Variants in RNF38 observed in about 807,000 individuals in gnomAD.
The protein encoded by RNF38 is ring finger protein 38.
A neutral mutation model predicts 67.2 loss-of-function variants in RNF38; 15 were observed. That is an observed-to-expected ratio of 0.22 (90% CI 0.15 to 0.34). The LOEUF (loss-of-function observed/expected upper bound fraction) is 0.34. Ranked by LOEUF, RNF38 falls within the 10% of genes least tolerant of loss-of-function variation. The pLI is 1.00. For synonymous variants in RNF38, 220 were observed against 218.8 expected, an observed-to-expected ratio of 1.01 and a Z score of -0.05; for missense variants, 524 against 639.9, an observed-to-expected ratio of 0.82 and a Z score of 1.95.
intron 1 of RNF38, among the ~76,000 whole-genome samples, chr9:36,430,299 C>T (rs1345319073): frequency 4.6e-5 from 7 of 152,082 alleles, no homozygotes; most frequent in African/African-American, 9.7e-5. Flanking sequence ...CTCCTCCTCC[C>T]GGGTTCAAGC....
At chr9:36,385,751 G>A (rs570471169) in intron 2 of RNF38, among the ~76,000 whole-genome samples, 15 of 152,302 alleles carry the variant, frequency 9.8e-5, no homozygotes, top group African/African-American at 3.1e-4. Flanking sequence ...GAGGTGCACC[G>A]AAAACTACAA....
Position 36,365,815 on chromosome 9 carries a change from G to A in RNF38, c.570+3904C>T, listed in dbSNP as rs372837609. On this transcript the variant is annotated intron_variant, in intron 4 of 11. Coordinates refer to ENST00000259605, the MANE Select transcript of RNF38 (RefSeq NM_022781.5). ...CGAACAGCTGGGACTACAGGTGCGC[G>A]CCACCATGCCCAGCTAATTTTTGTA... Among the ~76,000 whole-genome samples, 102 of 151,684 alleles carry A rather than the reference G, an allele frequency of 6.7e-4. No individual in the cohort carries two copies. In the South Asian group the frequency reaches 0.019, roughly 28 times the overall value.
intron 1 of RNF38, among the ~76,000 whole-genome samples, chr9:36,486,705 C>T (rs1275616876): frequency 6.6e-6 from 1 of 152,162 alleles, no homozygotes; most frequent in East Asian, 1.9e-4. Context: ...GCCCTCTCCC[C>T]GAGAGCACAC....
At chr9:36,389,052 G>C (rs1836867060) in intron 2 of RNF38, among the ~76,000 whole-genome samples, 1 of 152,086 alleles carries the variant, frequency 6.6e-6, no homozygotes, top group Non-Finnish European at 1.5e-5. Flanking sequence ...TGGTAGGGCA[G>C]TTTCTGGGCA....
At chr9:36,365,766 A>C (rs1438760336) in intron 4 of RNF38, among the ~76,000 whole-genome samples, 1 of 145,664 alleles carries the variant, frequency 6.9e-6, no homozygotes, top group Non-Finnish European at 1.5e-5. Context: ...CCCGGGTTCA[A>C]GCAATTCTCC....
At chr9:36,384,184 C>T (rs1407726683) in intron 2 of RNF38, among the ~76,000 whole-genome samples, 3 of 151,938 alleles carry the variant, frequency 2.0e-5, no homozygotes, top group Non-Finnish European at 4.4e-5. Context: ...GTATCTGTAA[C>T]TATAATAATT....
At chr9:36,411,415 G>A (rs1301709338) in intron 2 of RNF38, among the ~76,000 whole-genome samples, 2 of 152,062 alleles carry the variant, frequency 1.3e-5, no homozygotes, top group Non-Finnish European at 2.9e-5. Context: ...TTCCACTTCT[G>A]GGTATATACC....
intron 1 of RNF38, among the ~76,000 whole-genome samples, chr9:36,396,147 G>T (rs1291258358): frequency 6.6e-6 from 1 of 152,168 alleles, no homozygotes; most frequent in African/African-American, 2.4e-5. Flanking sequence ...CACATAGCAG[G>T]CATTCAACTA....
intron 1 of RNF38, among the ~76,000 whole-genome samples, chr9:36,463,907 C>A (rs1332821573): frequency 1.3e-5 from 2 of 152,184 alleles, no homozygotes. Context: ...GTGGCTCACG[C>A]CTGTAATCCC....
chr9:36,377,249 C>T (rs1391437728), intron 2 of RNF38, among the ~76,000 whole-genome samples: 3 of 152,204 alleles, frequency 2.0e-5, no homozygotes, highest in East Asian at 1.9e-4. Flanking sequence ...CAATCTATTA[C>T]TGCAAGTTCT....
intron 6 of RNF38, among the ~76,000 whole-genome samples, chr9:36,354,419 T>A (rs1459784657): frequency 1.3e-5 from 2 of 152,200 alleles, no homozygotes; most frequent in East Asian, 3.8e-4. Context: ...GCCAGGATGG[T>A]CTCGATCTCC....
Position 36,339,280 on chromosome 9 carries a change from G to T in RNF38, c.*472C>A, listed in dbSNP as rs1023859099. The T allele has an allele frequency of 1.2e-5, 2 of 160,754 alleles. No individual in the cohort carries two copies. Among genetic ancestry groups the T allele is most frequent in the Admixed American group, 5.9e-5 (1 of 16,924 alleles). The allele number at this position is 160,754 out of a possible 1,614,324, so 10.0% of individuals were successfully genotyped here. A position where few individuals can be genotyped will look rare whatever the true frequency, so the allele number is the denominator to read the frequency against. Reference sequence around the variant, plus strand: ...ATCTCATACACACGTTAGCTACCATGCCCTCACACAAGTAGTTGCACACAC... The same window carrying T: ...ATCTCATACACACGTTAGCTACCATTCCCTCACACAAGTAGTTGCACACAC... On this transcript the variant is annotated 3_prime_UTR_variant, in exon 12 of 12. Coordinates refer to ENST00000259605, the MANE Select transcript of RNF38 (RefSeq NM_022781.5).
chr9:36,370,057 A>C, intron 3 of RNF38, 125 bp from the exon 4 acceptor site: 1 of 752,904 alleles, frequency 1.3e-6, no homozygotes, highest in Non-Finnish European at 2.1e-6. Flanking sequence ...ATAACTGCTA[A>C]AATTCCCCAT....
rs767263796 is a variant in RNF38 at position 36,389,429 on chromosome 9, T to C, written c.162+1038A>G. ...TTCCACAAATACATAGTAGACAAGATACAGCTAAAGTTAGATTGGAGCCCC... is the reference window on the plus strand; with the variant it reads ...TTCCACAAATACATAGTAGACAAGACACAGCTAAAGTTAGATTGGAGCCCC... On this transcript the variant is annotated intron_variant, in intron 2 of 11. Coordinates refer to ENST00000259605, the MANE Select transcript of RNF38 (RefSeq NM_022781.5). 4.6e-5 allele frequency among the ~76,000 whole-genome samples: 7 copies of C among 151,990 alleles called. No individual in the cohort carries two copies. In the East Asian group the frequency reaches 1.2e-3, roughly 25 times the overall value.
intron 8 of RNF38, among the ~76,000 whole-genome samples, chr9:36,352,483 G>A (rs1202935754): frequency 6.6e-6 from 1 of 152,102 alleles, no homozygotes; most frequent in Non-Finnish European, 1.5e-5. Context: ...AGTTGTAAAA[G>A]AGGCAGAAAA....
At chr9:36,465,403 AT>A (rs767187173) in intron 1 of RNF38, among the ~76,000 whole-genome samples, 27 of 151,992 alleles carry the variant, frequency 1.8e-4, no homozygotes, top group Non-Finnish European at 2.8e-4. Context: ...CTGGAGTGCA[AT>A]GGCACAATCT....
chr9:36,414,421 C>T lies in RNF38; in HGVS notation n.312+10192G>A, dbSNP rs1350163830. On this transcript the variant is annotated intron_variant and non_coding_transcript_variant, in intron 2 of 3. Coordinates refer to the RNF38 transcript ENST00000488058. ...GTTTCAAGATTTAGAACTGGGCTCA[C>T]GCCTGTTCATCCCAGCACTTTGGGA... 3.3e-5 allele frequency among the ~76,000 whole-genome samples: 5 copies of T among 152,078 alleles called. No individual in the cohort carries two copies. The East Asian group carries it at 7.7e-4, about 23-fold the overall frequency.
At chr9:36,395,450 C>T (rs940320055) in intron 1 of RNF38, among the ~76,000 whole-genome samples, 2 of 152,104 alleles carry the variant, frequency 1.3e-5, no homozygotes. Context: ...CATTCTTCAG[C>T]ATACCAACTG....
chr9:36,452,222 T>C lies in RNF38; in HGVS notation n.242-27539A>G, dbSNP rs189164518. On this transcript the variant is annotated intron_variant and non_coding_transcript_variant, in intron 1 of 3. Transcript: ENST00000488058. The stretch of plus-strand genomic sequence containing the variant: ...GCCTAGGTAACAGACTGAGCTGATG[T>C]CTTTAAAAAAACTTTAAAATGTTCT... Among the ~76,000 whole-genome samples the C allele has an allele frequency of 8.7e-4, 132 of 152,254 alleles. 2 individuals are homozygous for C. The highest frequency in any genetic ancestry group is 7.4e-5 in the Non-Finnish European group (5 of 68,012).
Sources: allele counts gnomAD v4.1 joint callset (sites outside exome capture counted in the v4.1 genomes callset), GRCh38; gene constraint gnomAD v4.1.1; transcripts MANE v1.5; gene names NCBI Gene and HGNC (gene_info 2026-07-23, HGNC 2026-07-21).